PML: variants seen among roughly 807,000 people sequenced by gnomAD.
The protein encoded by PML is PML nuclear body scaffold, also known as protein PML.
A neutral mutation model predicts 65.2 loss-of-function variants in PML; 28 were observed. The observed-to-expected ratio is 0.43, with a 90% CI of 0.32 to 0.59. The LOEUF (loss-of-function observed/expected upper bound fraction) is 0.59. Ranked by LOEUF, PML falls within the 20% of genes least tolerant of loss-of-function variation. The pLI, the probability that PML is intolerant of heterozygous loss-of-function variation, is 0.08. For synonymous variants in PML, 500 were observed against 508.8 expected (o/e 0.98, Z 0.23); for missense variants, 1,021 against 1,203.4 (o/e 0.85, Z 2.24).
intron 2 of PML, among the ~76,000 whole-genome samples, chr15:74,016,408 A>G (rs971084455): frequency 6.6e-6 from 1 of 152,206 alleles, no homozygotes; most frequent in Non-Finnish European, 1.5e-5. Context: ...TCTCTGAAAA[A>G]AAAATTAACA....
intron 1 of PML, among the ~76,000 whole-genome samples, chr15:73,995,350 G>T (rs1223749711): frequency 1.3e-5 from 2 of 152,218 alleles, no homozygotes; most frequent in African/African-American, 4.8e-5. Context: ...TCCCAGGCAC[G>T]GCAAAACTAA....
rs2071771774 is a variant in PML, at chr15:74,046,415, T to C, written c.*1407T>C. 8.6e-6 allele frequency: 2 copies of C among 232,746 alleles called. No homozygotes were observed. Among genetic ancestry groups the C allele is most frequent in the Admixed American group, 5.6e-5 (1 of 17,762 alleles). 14.4% of individuals were successfully genotyped at this position (232,746 alleles called of 1,614,324 possible). On this transcript the variant is annotated 3_prime_UTR_variant, in exon 9 of 9. Transcript: ENST00000268058. ...AAGCAGCCCAGGCCTCTAGCCTCCA[T>C]GGCTGATGACCTCAGCTTTCACACT...
Position 74,044,985 on chromosome 15 carries a change from G to A in PML, c.2626G>A (p.Glu876Lys). ...STPLAGRGLA[E>K]RASQQS ...CCCACTTGCTGGCCGTGGCTTGGCA[G>A]AGAGGGCCTCCCAGCAGAGCTGAGA... The change falls in exon 9 of 9, where the codon GAG (glutamate) becomes AAG (lysine). Residue 876 changes from glutamate to lysine, a missense_variant. Coordinates refer to ENST00000268058, the MANE Select transcript of PML (RefSeq NM_033238.3). 1 of 1,607,182 alleles carries A rather than the reference G, an allele frequency of 6.2e-7. No individual in the cohort carries two copies. Among genetic ancestry groups the A allele is most frequent in the Non-Finnish European group, 8.5e-7 (1 of 1,178,290 alleles).
At position 74,023,098 on chromosome 15, in the gene PML, G is replaced by T; in HGVS notation, c.873G>T (p.Arg291=). 1.2e-6 allele frequency: 2 copies of T among 1,603,378 alleles called. No homozygotes were observed. Among genetic ancestry groups the T allele is most frequent in the Non-Finnish European group, 1.7e-6 (2 of 1,178,952 alleles). ...TGCGCCAGGTGGTAGCTCACGTGCG[G>T]GCTCAGGAGCGCGAGCTGCTGGAGG... ...ERVRQVVAHV[R]AQERELLEAV... Residue 291 remains arginine, a synonymous_variant, in exon 3 of 9, where the codon CGG becomes CGT. Coordinates refer to ENST00000268058, the MANE Select transcript of PML (RefSeq NM_033238.3).
chr15:74,032,387 AAAG>A lies in PML; in HGVS notation c.1255-184_1255-182del, dbSNP rs999444900. ...TCTCTACAAAAAAATTTTTTTAAAA[AAAG>A]GAGGTGATGTGATGGAGAGTTTGGA... On this transcript the variant is annotated intron_variant, in intron 4 of 8. Transcript: ENST00000268058. The A allele has an allele frequency of 9.3e-6, 6 of 643,856 alleles. No individual in the cohort carries two copies. In the Admixed American group the frequency reaches 1.4e-4, roughly 15 times the overall value. 39.9% of individuals were successfully genotyped at this position (643,856 alleles called of 1,614,324 possible). A position where few individuals can be genotyped will look rare whatever the true frequency, so the allele number is the denominator to read the frequency against.
rs375594567 is a variant in PML at position 74,023,304 on chromosome 15, G to A, written c.1079G>A (p.Arg360His). Residue 360 changes from arginine (R) to histidine (H), a missense_variant, in exon 3 of 9, where the codon CGC becomes CAC. Transcript: ENST00000268058. ...GFLRQALCRL[R>H]QEEPQSLQAA... Reference sequence around the variant, plus strand: ...CTGCGCCAGGCGCTCTGCCGCCTGCGCCAGGAGGAGCCCCAGAGCCTGCAA... The same window carrying A: ...CTGCGCCAGGCGCTCTGCCGCCTGCACCAGGAGGAGCCCCAGAGCCTGCAA... The A allele has an allele frequency of 7.1e-5, 114 of 1,608,700 alleles. No individual in the cohort carries two copies. Among genetic ancestry groups the A allele is most frequent in the Non-Finnish European group, 8.6e-5 (102 of 1,179,704 alleles).
In PML at chr15:74,032,732, C is replaced by T; in HGVS notation, c.1398+17C>T. The T allele has an allele frequency of 6.2e-7, 1 of 1,613,698 alleles. No homozygotes were observed. The highest frequency in any genetic ancestry group is 1.3e-5 in the African/African-American group (1 of 75,046). ...TATGGAGAGGTAAGGTTCTCCCCAG[C>T]CCCAGCCTTCCCTCCTGAAGGCCTG... On this transcript the variant is annotated intron_variant, in intron 5 of 8. Coordinates refer to ENST00000268058, the MANE Select transcript of PML (RefSeq NM_033238.3).
intron 7 of PML, chr15:74,036,898 C>G (rs1434428472): frequency 2.0e-6 from 2 of 980,260 alleles, no homozygotes; most frequent in Middle Eastern, 5.2e-4. Flanking sequence ...CTCTCAGACT[C>G]TGACCGCAGC....
chr15:74,036,417 G>A (rs1254900352), intron 7 of PML: 34 of 1,306,322 alleles, frequency 2.6e-5, no homozygotes, highest in Non-Finnish European at 3.2e-5. Flanking sequence ...CTTATTCCAC[G>A]ACCATCGCGT....
At chr15:74,001,350 CT>C (rs11298972) in intron 2 of PML, among the ~76,000 whole-genome samples, 49,458 of 146,356 alleles carry the variant, frequency 0.34, 8,101 homozygotes, top group African/African-American at 0.4. Context: ...ATAATAATAA[CT>C]TTTTTTTTTT....
In PML at chr15:74,043,336, T is replaced by C; in HGVS notation, c.1861+197T>C. The C allele has an allele frequency of 1.4e-6, 2 of 1,458,136 alleles. No homozygotes were observed. The highest frequency in any genetic ancestry group is 1.8e-6 in the Non-Finnish European group (2 of 1,112,440). 90.3% of individuals were successfully genotyped at this position (1,458,136 alleles called of 1,614,324 possible). On this transcript the variant is annotated intron_variant, in intron 8 of 8. Transcript: ENST00000268058. This position sits in a 1 kb window ranked among gnomAD's most constrained non-coding sequence, Gnocchi z 4.3. ...GCTGGCTTGAATAAAGATGTCCGCC[T>C]TATCCAGTGCCTGAGTGTGCGAGAG...
At position 74,037,642 on chromosome 15, in the gene PML, C is replaced by T; in HGVS notation, c.1710+3112C>T. On this transcript the variant is annotated intron_variant, in intron 7 of 8. Coordinates refer to ENST00000268058, the MANE Select transcript of PML (RefSeq NM_033238.3). This position sits in a 1 kb window ranked among gnomAD's most constrained non-coding sequence, Gnocchi z 4.2. ...AGGGTGGCCTCTGTGCCTCTAGGTG[C>T]AGTGTCGCGTTTAGTCGTTATTATT... The T allele has an allele frequency of 2.0e-6, 2 of 985,394 alleles. No homozygotes were observed. Among genetic ancestry groups the T allele is most frequent in the Non-Finnish European group, 2.4e-6 (2 of 829,934 alleles). 61.0% of individuals were successfully genotyped at this position (985,394 alleles called of 1,614,324 possible). A position where few individuals can be genotyped will look rare whatever the true frequency, so the allele number is the denominator to read the frequency against.
At chr15:74,018,278 G>A (rs1223197499) in intron 2 of PML, among the ~76,000 whole-genome samples, 1 of 147,774 alleles carries the variant, frequency 6.8e-6, no homozygotes, top group Non-Finnish European at 1.5e-5. Context: ...AGCCAAGATT[G>A]TGCCACTGCA....
rs377483116 is a variant in PML, at chr15:74,044,858, G to A, written c.2499G>A (p.Thr833=). The A allele has an allele frequency of 1.8e-5, 29 of 1,613,328 alleles. No homozygotes were observed. The highest frequency in any genetic ancestry group is 8.0e-5 in the African/African-American group (6 of 74,936). Residue 833 remains threonine (T), a synonymous_variant, in exon 9 of 9, where the codon ACG becomes ACA. Coordinates refer to ENST00000268058, the MANE Select transcript of PML (RefSeq NM_033238.3). ...GCTATCTAAGCCTGCAGACCACCACGTTGCCCCCTGCCCAGCCTGCTTTCA... is the reference window on the plus strand; with the variant it reads ...GCTATCTAAGCCTGCAGACCACCACATTGCCCCCTGCCCAGCCTGCTTTCA... ...YSRYLSLQTT[T]LPPAQPAFNL... is the part of the protein sequence containing the mutation.
chr15:74,001,217 A>G (rs1230261989), intron 2 of PML, among the ~76,000 whole-genome samples: 1 of 151,474 alleles, frequency 6.6e-6, no homozygotes, highest in Admixed American at 6.6e-5. Context: ...ACTGATTTTA[A>G]TGTTTTCCTT....
rs200094687 is a variant in PML at position 74,035,385 on chromosome 15, C to G, written c.1710+855C>G. Reference sequence around the variant, plus strand: ...CCCCGATGCTGAGCCTCACAGCGAGCCTCCTGATCACCAGGAGCGCCCTGC... The same window carrying G: ...CCCCGATGCTGAGCCTCACAGCGAGGCTCCTGATCACCAGGAGCGCCCTGC... On this transcript the variant is annotated intron_variant, in intron 7 of 8. Transcript: ENST00000268058. This position sits in a 1 kb window ranked among gnomAD's most constrained non-coding sequence, Gnocchi z 4.1. 2.6e-4 allele frequency: 417 copies of G among 1,611,860 alleles called. 1 individual carries two copies. The highest frequency in any genetic ancestry group is 1.7e-3 in the African/African-American group (125 of 75,038).
chr15:74,029,389 G>A (rs973557770), intron 4 of PML, among the ~76,000 whole-genome samples: 7 of 152,202 alleles, frequency 4.6e-5, no homozygotes, highest in African/African-American at 1.7e-4. Flanking sequence ...TTTGGGAGGC[G>A]GAGGCAAGTG....
At position 74,023,378 on chromosome 15, in the gene PML, G is replaced by A. The variant is rs1458563717; in HGVS notation, c.1153G>A (p.Asp385Asn). The A allele has an allele frequency of 1.3e-6, 2 of 1,599,560 alleles. No individual in the cohort carries two copies. Among genetic ancestry groups the A allele is most frequent in the African/African-American group, 2.7e-5 (2 of 74,940 alleles). The change falls in exon 3 of 9, where the codon GAC becomes AAC. Residue 385 changes from aspartate (D) to asparagine (N), a missense_variant. Coordinates refer to ENST00000268058, the MANE Select transcript of PML (RefSeq NM_033238.3). ...CGACGAGTTCAAGGTGCGCCTGCAGGACCTCAGCTCTTGCATCACCCAGGG... is the reference window on the plus strand; with the variant it reads ...CGACGAGTTCAAGGTGCGCCTGCAGAACCTCAGCTCTTGCATCACCCAGGG... ...GFDEFKVRLQ[D>N]LSSCITQGKD... is the part of the protein sequence containing the mutation.
rs567453627 is a variant in PML at position 74,042,932 on chromosome 15, C to T, written c.1711-57C>T. On this transcript the variant is annotated intron_variant, in intron 7 of 8. Transcript: ENST00000268058. The surrounding 1 kb of genome is among the most constrained non-coding windows in gnomAD (Gnocchi z 5.3). ...GCTATACCAGCTTGCTAGTGTTCTGCACAGGTGCTTGCCTTGGCCCTCTGA... is the reference window on the plus strand; with the variant it reads ...GCTATACCAGCTTGCTAGTGTTCTGTACAGGTGCTTGCCTTGGCCCTCTGA... 1 of 1,611,896 alleles carries T rather than the reference C, an allele frequency of 6.2e-7. No homozygotes were observed. Among genetic ancestry groups the T allele is most frequent in the East Asian group, 2.2e-5 (1 of 44,842 alleles).
Sources: allele counts gnomAD v4.1 joint callset (sites outside exome capture counted in the v4.1 genomes callset), GRCh38; gene constraint gnomAD v4.1.1; non-coding constraint Gnocchi (gnomAD v3.1); transcripts MANE v1.5; gene names NCBI Gene and HGNC (gene_info 2026-07-23, HGNC 2026-07-21).